DNAI7: variants seen among roughly 807,000 people sequenced by gnomAD.
The protein encoded by DNAI7 is cancer susceptibility 1.
A neutral mutation model predicts 86.6 loss-of-function variants in DNAI7; 78 were observed. The observed-to-expected ratio is 0.90, with a 90% CI of 0.75 to 1.09. The LOEUF is 1.09. Among genes scored for constraint, DNAI7 ranks in the 50% least tolerant of loss-of-function variants. The probability of loss-of-function intolerance (pLI) is 0.00; values close to 1 mark genes in which losing one functional copy is unlikely to be tolerated. For synonymous variants in DNAI7, 274 were observed against 273.0 expected (o/e 1.00, Z -0.04); for missense variants, 753 against 810.2 (o/e 0.93, Z 0.86).
intron 3 of DNAI7, among the ~76,000 whole-genome samples, chr12:25,159,130 T>C (rs1230747643): frequency 6.6e-6 from 1 of 152,232 alleles, no homozygotes; most frequent in Non-Finnish European, 1.5e-5. Flanking sequence ...TAAAGACACA[T>C]GACTCCCAGC....
rs904836339 is a variant in DNAI7 at position 25,154,605 on chromosome 12, TAA to T, written c.301-151_301-150del. The T allele has an allele frequency of 1.2e-5, 8 of 679,958 alleles. No individual in the cohort carries two copies. The African/African-American group carries it at 1.5e-4, about 13-fold the overall frequency. The allele number at this position is 679,958 out of a possible 1,614,324, so 42.1% of individuals were successfully genotyped here. On this transcript the variant is annotated intron_variant, in intron 5 of 15. Coordinates refer to ENST00000395987, the MANE Select transcript of DNAI7 (RefSeq NM_018272.5). ...TTTAACCAGTAACTTGAGAGAGCTC[TAA>T]AATAACCAAGTTCTTCTTTATCCAA...
chr12:25,164,883 C>T (rs1947276299), intron 2 of DNAI7, among the ~76,000 whole-genome samples: 1 of 108,936 alleles, frequency 9.2e-6, no homozygotes, highest in Non-Finnish European at 1.9e-5. Context: ...TTATCACCTC[C>T]CCTCCTCACA....
At chr12:25,168,212 G>C (rs1947722257) in intron 2 of DNAI7, among the ~76,000 whole-genome samples, 1 of 152,052 alleles carries the variant, frequency 6.6e-6, no homozygotes, top group African/African-American at 2.4e-5. Flanking sequence ...CCTCGCACAA[G>C]GTCTCTTCTT....
chr12:25,188,690 A>G (rs1489094805), intron 2 of DNAI7, among the ~76,000 whole-genome samples: 2 of 151,590 alleles, frequency 1.3e-5, no homozygotes, highest in African/African-American at 2.4e-5. Flanking sequence ...AAAAAAAAAA[A>G]AAAAAAGTAA....
At position 25,119,406 on chromosome 12, in the gene DNAI7, T is replaced by C. The variant is rs574229339; in HGVS notation, c.1240-105A>G. ...TAGTTATTTTTAATAAGCACTGCAG[T>C]TTGATCCTATTTATATATAGATTAA... On this transcript the variant is annotated intron_variant, in intron 11 of 15. Coordinates refer to ENST00000395987, the MANE Select transcript of DNAI7 (RefSeq NM_018272.5). The C allele has an allele frequency of 1.8e-4, 112 of 615,954 alleles. 1 individual carries two copies. In the South Asian group the frequency reaches 3.2e-3, roughly 18 times the overall value. The allele number at this position is 615,954 out of a possible 1,614,324, so 38.2% of individuals were successfully genotyped here. A position where few individuals can be genotyped will look rare whatever the true frequency, so the allele number is the denominator to read the frequency against.
At chr12:25,168,461 C>T (rs994927994) in intron 2 of DNAI7, among the ~76,000 whole-genome samples, 1 of 152,172 alleles carries the variant, frequency 6.6e-6, no homozygotes, top group Non-Finnish European at 1.5e-5. Context: ...ACCTCTGTCA[C>T]GACCTTCCAT....
At position 25,119,257 on chromosome 12, in the gene DNAI7, A is replaced by G. The variant is rs1030602025; in HGVS notation, c.1284T>C (p.Thr428=). 3 of 1,611,868 alleles carry G rather than the reference A, an allele frequency of 1.9e-6. No individual in the cohort carries two copies. Among genetic ancestry groups the G allele is most frequent in the Non-Finnish European group, 2.5e-6 (3 of 1,178,318 alleles). Reference sequence around the variant, plus strand: ...CATTTTCTGTCTCAAACTCTTCTGTAGTTTCCGGAGGATATGTGTATTTCT... The same window carrying G: ...CATTTTCTGTCTCAAACTCTTCTGTGGTTTCCGGAGGATATGTGTATTTCT... ...GLQKYTYPPE[T]TEEFETENAF... The change falls in exon 12 of 16, where the codon ACT becomes ACC. Residue 428 remains threonine, a synonymous_variant. Coordinates refer to ENST00000395987, the MANE Select transcript of DNAI7 (RefSeq NM_018272.5).
chr12:25,182,033 ATT>A (rs36047649), intron 2 of DNAI7, among the ~76,000 whole-genome samples: 15,515 of 147,192 alleles, frequency 0.11, 2,125 homozygotes, highest in African/African-American at 0.32. Context: ...AAGAAAAGAA[ATT>A]TTTTTTTTTT....
intron 7 of DNAI7, among the ~76,000 whole-genome samples, chr12:25,148,487 C>G (rs1258529647): frequency 1.3e-5 from 2 of 152,172 alleles, no homozygotes; most frequent in Non-Finnish European, 2.9e-5. Context: ...TATTCCTCAA[C>G]AGCTTTTCAC....
At chr12:25,179,121 C>T (rs955507598) in intron 2 of DNAI7, among the ~76,000 whole-genome samples, 7 of 151,774 alleles carry the variant, frequency 4.6e-5, no homozygotes, top group African/African-American at 1.7e-4. Flanking sequence ...TTCTAATTTC[C>T]ATTATATTAC....
intron 9 of DNAI7, 82 bp downstream of exon 9, chr12:25,144,283 A>T (rs1170251703): frequency 8.2e-6 from 10 of 1,215,456 alleles, no homozygotes; most frequent in African/African-American, 7.6e-5. Context: ...GTTGTTTAGG[A>T]AAAATCTTGA....
At chr12:25,150,735 C>T (rs1474191817) in intron 6 of DNAI7, among the ~76,000 whole-genome samples, 6 of 152,020 alleles carry the variant, frequency 3.9e-5, no homozygotes, top group African/African-American at 1.4e-4. Context: ...ATTAAACCCT[C>T]GGATCTACCA....
intron 6 of DNAI7, among the ~76,000 whole-genome samples, chr12:25,152,702 G>C (rs1202660076): frequency 6.6e-6 from 1 of 152,222 alleles, no homozygotes; most frequent in East Asian, 1.9e-4. Context: ...GCTGGGACTT[G>C]TGATTGGAAG....
At chr12:25,141,690 C>T (rs567794432) in intron 9 of DNAI7, among the ~76,000 whole-genome samples, 17 of 152,156 alleles carry the variant, frequency 1.1e-4, no homozygotes, top group African/African-American at 1.9e-4. Flanking sequence ...ATTAGCCAGG[C>T]GTGGTGGCAC....
rs768579694 is a variant in DNAI7, at chr12:25,144,333, T to TA, written c.1002+31dup. The TA allele has an allele frequency of 1.4e-5, 21 of 1,544,362 alleles. No individual in the cohort carries two copies. In the African/African-American group the frequency reaches 1.9e-4, roughly 14 times the overall value. On this transcript the variant is annotated intron_variant, in intron 9 of 15. Transcript: ENST00000395987. ...AATCTAATAACGCATGCTGCATGAA[T>TA]AAAAAAATGTGTATATTTAAATGTG...
intron 9 of DNAI7, among the ~76,000 whole-genome samples, chr12:25,125,844 A>G (rs1942053887): frequency 6.6e-6 from 1 of 152,192 alleles, no homozygotes; most frequent in African/African-American, 2.4e-5. Context: ...CAGTTATCCC[A>G]GAACCATTTT....
chr12:25,148,163 T>C (rs1565727693), intron 7 of DNAI7, among the ~76,000 whole-genome samples: 1 of 152,208 alleles, frequency 6.6e-6, no homozygotes, highest in Non-Finnish European at 1.5e-5. Context: ...AATTGTCTTG[T>C]AGAACTGTCC....
chr12:25,174,517 T>TG (rs1565811793), intron 2 of DNAI7, among the ~76,000 whole-genome samples: 2 of 118,252 alleles, frequency 1.7e-5, no homozygotes, highest in South Asian at 2.4e-4. Flanking sequence ...GGGATATATA[T>TG]ATCATATATA....
At chr12:25,128,300 A>G (rs1467713366) in intron 9 of DNAI7, among the ~76,000 whole-genome samples, 1 of 152,224 alleles carries the variant, frequency 6.6e-6, no homozygotes, top group Non-Finnish European at 1.5e-5. Context: ...CTGATTCTTG[A>G]TAAGGAATTG....
Sources: gnomAD v4.1 joint callset for allele counts (sites outside exome capture counted in the v4.1 genomes callset) on GRCh38, gnomAD v4.1.1 for gene constraint, MANE v1.5 for transcripts, NCBI Gene and HGNC (gene_info 2026-07-23, HGNC 2026-07-21) for gene names.